Variants in PHACTR3 observed in about 807,000 individuals in gnomAD.
PHACTR3 encodes the protein protein phosphatase 1, regulatory subunit 123.
PHACTR3 carries 16 observed loss-of-function variants against 66.8 expected under a neutral mutation model. That is an observed-to-expected ratio of 0.24 (90% CI 0.16 to 0.36). PHACTR3 has a LOEUF of 0.36. Among genes scored for constraint, PHACTR3 ranks in the 10% least tolerant of loss-of-function variants. The pLI is 1.00. For synonymous variants in PHACTR3, 323 were observed against 292.1 expected (o/e 1.11, Z -1.08); for missense variants, 647 against 719.9 (o/e 0.90, Z 1.16).
chr20:59,595,505 T>C (rs2033302342), intron 1 of PHACTR3, among the ~76,000 whole-genome samples: 2 of 152,214 alleles, frequency 1.3e-5, no homozygotes, highest in South Asian at 4.1e-4. Context: ...TCCCAGAATG[T>C]GGTCTATCCT....
chr20:59,601,011 A>G (rs1371182704), upstream of PHACTR3, among the ~76,000 whole-genome samples: 2 of 151,836 alleles, frequency 1.3e-5, no homozygotes, highest in African/African-American at 2.4e-5. Context: ...CATTTAAAGT[A>G]TAAAATTCAG....
At chr20:59,773,575 C>CAGAAAG in intron 6 of PHACTR3, 122 bp downstream of exon 6, 3 of 1,062,282 alleles carry the variant, frequency 2.8e-6, no homozygotes, top group Non-Finnish European at 3.9e-6. Context: ...CAGTCACTTT[C>CAGAAAG]TGAACAAGGA....
At chr20:59,584,185 T>C in intron 1 of PHACTR3, among the ~76,000 whole-genome samples, 1 of 152,174 alleles carries the variant, frequency 6.6e-6, no homozygotes, top group East Asian at 1.9e-4. Context: ...AGGACAAGTG[T>C]GTGTGAACGT....
intron 1 of PHACTR3, among the ~76,000 whole-genome samples, chr20:59,616,655 G>A (rs1019383588): frequency 6.6e-6 from 1 of 152,220 alleles, no homozygotes; most frequent in Admixed American, 6.5e-5. Flanking sequence ...CTGTGGCTGC[G>A]CTGAGCTGAC....
In PHACTR3 at chr20:59,793,077, C is replaced by T. The variant is rs117180495; in HGVS notation, c.1175-12964C>T. Among the ~76,000 whole-genome samples, 1,030 of 151,724 alleles carry T rather than the reference C, an allele frequency of 6.8e-3. 12 individuals carry two copies. Among genetic ancestry groups the T allele is most frequent in the African/African-American group, 0.023 (942 of 41,338 alleles). On this transcript the variant is annotated intron_variant, in intron 7 of 12. Transcript: ENST00000371015. Reference sequence around the variant, plus strand: ...TTTTTGTATTTTTTTTTTGTAGAGACGAGGTCTCACTATGTTTTCCAGGGT... The same window carrying T: ...TTTTTGTATTTTTTTTTTGTAGAGATGAGGTCTCACTATGTTTTCCAGGGT...
In PHACTR3 at chr20:59,830,033, A is replaced by G. The variant is rs1443430321; in HGVS notation, c.1329-6472A>G. Among the ~76,000 whole-genome samples, 5 of 152,214 alleles carry G rather than the reference A, an allele frequency of 3.3e-5. No homozygotes were observed. The highest frequency in any genetic ancestry group is 9.7e-5 in the African/African-American group (4 of 41,446). On this transcript the variant is annotated intron_variant, in intron 8 of 12. Transcript: ENST00000371015. This position sits in a 1 kb window ranked among gnomAD's most constrained non-coding sequence, Gnocchi z 5.8. ...TGCTGTGCTCATCATGCAGGAAGGCAGTCAGCTGAGCAGTGTGTGCAGAGG... is the reference window on the plus strand; with the variant it reads ...TGCTGTGCTCATCATGCAGGAAGGCGGTCAGCTGAGCAGTGTGTGCAGAGG...
At chr20:59,818,829 G>A (rs928572581) in intron 8 of PHACTR3, among the ~76,000 whole-genome samples, 1 of 152,136 alleles carries the variant, frequency 6.6e-6, no homozygotes, top group Admixed American at 6.5e-5. Flanking sequence ...TTCACTGCTT[G>A]TTTATCATCA....
intron 1 of PHACTR3, among the ~76,000 whole-genome samples, chr20:59,682,334 T>C (rs894357801): frequency 3.3e-5 from 5 of 151,434 alleles, no homozygotes; most frequent in African/African-American, 7.3e-5. Flanking sequence ...AGTGAGACTC[T>C]GTCTCAAAAA....
intron 1 of PHACTR3, among the ~76,000 whole-genome samples, chr20:59,646,629 G>A (rs1283162337): frequency 6.6e-6 from 1 of 152,186 alleles, no homozygotes; most frequent in African/African-American, 2.4e-5. Flanking sequence ...CGATTGTTCA[G>A]TAGATGCAGT....
intron 1 of PHACTR3, among the ~76,000 whole-genome samples, chr20:59,705,873 C>T (rs566152243): frequency 3.1e-4 from 47 of 152,166 alleles, no homozygotes; most frequent in Admixed American, 9.8e-4. Context: ...CATGCTTGGC[C>T]TTTGAGCCTG....
At chr20:59,734,757 C>T (rs963231714) in intron 1 of PHACTR3, among the ~76,000 whole-genome samples, 3 of 152,070 alleles carry the variant, frequency 2.0e-5, no homozygotes, top group African/African-American at 7.2e-5. Context: ...CTAGCTTCCC[C>T]AAATGACTCC....
intron 1 of PHACTR3, among the ~76,000 whole-genome samples, chr20:59,684,619 A>G (rs1001184749): frequency 1.3e-5 from 2 of 152,148 alleles, no homozygotes; most frequent in Admixed American, 6.5e-5. Flanking sequence ...ATGAGAAGGG[A>G]TTTTGGATCT....
chr20:59,699,730 G>T (rs1195934781), intron 1 of PHACTR3, among the ~76,000 whole-genome samples: 1 of 152,140 alleles, frequency 6.6e-6, no homozygotes, highest in Non-Finnish European at 1.5e-5. Context: ...TTGGGAGGCC[G>T]AGGTGGGTGG....
At chr20:59,719,402 A>G (rs2038211189) in intron 1 of PHACTR3, among the ~76,000 whole-genome samples, 2 of 152,122 alleles carry the variant, frequency 1.3e-5, no homozygotes, top group Admixed American at 1.3e-4. Flanking sequence ...TGACCTTGTG[A>G]TCCACCCACC....
intron 6 of PHACTR3, 114 bp from the exon 7 acceptor site, chr20:59,774,128 GT>G: frequency 7.3e-7 from 1 of 1,361,118 alleles, no homozygotes; most frequent in Non-Finnish European, 9.9e-7. Flanking sequence ...AAACCAAGAG[GT>G]CACATGCATT....
chr20:59,841,618 A>G (rs1290105379), intron 11 of PHACTR3, 83 bp downstream of exon 11: 3 of 1,425,770 alleles, frequency 2.1e-6, no homozygotes, highest in Non-Finnish European at 2.8e-6. Context: ...TTATTCATAG[A>G]CAATGGGAGC....
chr20:59,578,396 G>C (rs2032775896), intron 1 of PHACTR3, among the ~76,000 whole-genome samples: 2 of 152,202 alleles, frequency 1.3e-5, no homozygotes, highest in Admixed American at 1.3e-4. Context: ...ACTGGCCCTT[G>C]GTGAGGATAC....
chr20:59,775,964 A>G (rs1234329864), intron 7 of PHACTR3, among the ~76,000 whole-genome samples: 1 of 152,192 alleles, frequency 6.6e-6, no homozygotes, highest in Non-Finnish European at 1.5e-5. Context: ...GGATTCCCCC[A>G]GTGAAGACAA....
At chr20:59,730,614 T>C (rs146858400) in intron 1 of PHACTR3, among the ~76,000 whole-genome samples, 1 of 152,262 alleles carries the variant, frequency 6.6e-6, no homozygotes, top group East Asian at 1.9e-4. Context: ...GAAATGAAGA[T>C]AAGAGATCAG....
Sources: allele counts gnomAD v4.1 joint callset (sites outside exome capture counted in the v4.1 genomes callset), GRCh38; gene constraint gnomAD v4.1.1; non-coding constraint Gnocchi (gnomAD v3.1); transcripts MANE v1.5; gene names NCBI Gene and HGNC (gene_info 2026-07-23, HGNC 2026-07-21).